FLI1: variants seen among roughly 807,000 people sequenced by gnomAD.
FLI1 encodes the protein Fli-1 proto-oncogene, ETS transcription factor.
FLI1 carries 13 observed loss-of-function variants against 53.1 expected under a neutral mutation model. The observed-to-expected ratio is 0.24, with a 90% CI of 0.16 to 0.39. FLI1 has a LOEUF of 0.39. Among genes scored for constraint, FLI1 ranks in the 10% least tolerant of loss-of-function variants. FLI1 has a pLI of 1.00. For missense variants in FLI1, 424 were observed against 600.5 expected, an observed-to-expected ratio of 0.71 and a Z score of 3.07; for synonymous variants, 244 against 236.7, an observed-to-expected ratio of 1.03 and a Z score of -0.28.
At chr11:128,691,110 A>G (rs1937722170), upstream of FLI1, among the ~76,000 whole-genome samples, 1 of 152,200 alleles carries the variant, frequency 6.6e-6, no homozygotes, top group East Asian at 1.9e-4. Flanking sequence ...GTAGGCCCTC[A>G]CCGCAGGCTC....
At chr11:128,765,525 C>T (rs1941303519) in intron 2 of FLI1, among the ~76,000 whole-genome samples, 1 of 152,228 alleles carries the variant, frequency 6.6e-6, no homozygotes, top group African/African-American at 2.4e-5. Flanking sequence ...GTCCCACCAT[C>T]CTGCCCCCTG....
At chr11:128,728,266 G>A (rs1224440043) in intron 1 of FLI1, among the ~76,000 whole-genome samples, 1 of 152,260 alleles carries the variant, frequency 6.6e-6, no homozygotes, top group Admixed American at 6.5e-5. Flanking sequence ...CCTTTGGGAG[G>A]CAGCAGGGAG....
At chr11:128,780,584 A>C (rs1941884129) in intron 4 of FLI1, among the ~76,000 whole-genome samples, 1 of 149,970 alleles carries the variant, frequency 6.7e-6, no homozygotes, top group Admixed American at 6.5e-5. Flanking sequence ...AACAAGAGCG[A>C]AACTCCGTTT....
intron 2 of FLI1, among the ~76,000 whole-genome samples, chr11:128,761,347 CTT>C (rs1323072227): frequency 6.6e-6 from 1 of 152,244 alleles, no homozygotes; most frequent in East Asian, 1.9e-4. Flanking sequence ...CCTCCTCACT[CTT>C]TACCCTGCTT....
At position 128,810,572 on chromosome 11, in the gene FLI1, G is replaced by A. The variant is rs1481244317; in HGVS notation, c.943G>A (p.Asp315Asn). The A allele has an allele frequency of 1.9e-6, 3 of 1,613,468 alleles. No individual in the cohort carries two copies. The highest frequency in any genetic ancestry group is 1.7e-6 in the Non-Finnish European group (2 of 1,179,698). The change falls in exon 9 of 9, where the codon GAT becomes AAT. Residue 315 changes from aspartate (D) to asparagine (N), a missense_variant. Asp to Asn is a conservative substitution (Grantham distance 23, BLOSUM62 1). Coordinates refer to ENST00000527786, the MANE Select transcript of FLI1 (RefSeq NM_002017.5). This position sits in a 1 kb window ranked among gnomAD's most constrained non-coding sequence, Gnocchi z 6.6. ...TNGEFKMTDP[D>N]EVARRWGERK... ...CGGGGAGTTCAAAATGACGGACCCC[G>A]ATGAGGTGGCCAGGCGCTGGGGCGA...
intron 5 of FLI1, among the ~76,000 whole-genome samples, chr11:128,797,190 C>T (rs1051352772): frequency 6.6e-6 from 1 of 152,222 alleles, no homozygotes; most frequent in Non-Finnish European, 1.5e-5. Context: ...ACAGACTTGA[C>T]AATCACCTGA....
rs186617406 is a variant in FLI1 at position 128,808,442 on chromosome 11, G to T, written c.782-715G>T. 1.1e-3 allele frequency among the ~76,000 whole-genome samples: 169 copies of T among 152,224 alleles called. 1 individual carries two copies. The highest frequency in any genetic ancestry group is 3.8e-3 in the African/African-American group (156 of 41,532). On this transcript the variant is annotated intron_variant, in intron 7 of 8. Transcript: ENST00000527786. ...CCAGTATTGCAAAGACTTTTTCATG[G>T]CTAAATAAACACATACGTTTTGAGG... is the stretch of plus-strand genomic sequence containing the variant.
chr11:128,774,569 T>C (rs1941677065), intron 4 of FLI1, among the ~76,000 whole-genome samples: 1 of 152,224 alleles, frequency 6.6e-6, no homozygotes, highest in Admixed American at 6.5e-5. Flanking sequence ...CAAAGCAACC[T>C]GATTCCAGCA....
At position 128,783,811 on chromosome 11, in the gene FLI1, C is replaced by T. The variant is rs968088419; in HGVS notation, c.655+1788C>T. ...CAGGAGCACTCACATTGCGAGGGCT[C>T]AAGAGCCACTGTCCTTTGATATGTT... On this transcript the variant is annotated intron_variant, in intron 5 of 8. Transcript: ENST00000527786. Among the ~76,000 whole-genome samples, 7 of 152,028 alleles carry T rather than the reference C, an allele frequency of 4.6e-5. No individual in the cohort carries two copies. In the East Asian group the frequency reaches 1.3e-3, roughly 29 times the overall value.
At chr11:128,686,422 G>A (rs1468502822), upstream of FLI1, 2 of 456,130 alleles carry the variant, frequency 4.4e-6, no homozygotes, top group Admixed American at 4.7e-5. Flanking sequence ...AGTTCTCACC[G>A]TCCCCTGGCC....
At chr11:128,741,125 G>A (rs1157206846) in intron 1 of FLI1, among the ~76,000 whole-genome samples, 1 of 152,232 alleles carries the variant, frequency 6.6e-6, no homozygotes, top group Non-Finnish European at 1.5e-5. Context: ...CAGGCATGGT[G>A]GCTCATGCTT....
chr11:128,753,073 C>T (rs1940717160), intron 1 of FLI1, among the ~76,000 whole-genome samples: 1 of 152,194 alleles, frequency 6.6e-6, no homozygotes, highest in African/African-American at 2.4e-5. Context: ...TACAAATGTG[C>T]TGGGGCACTT....
At chr11:128,793,360 C>T (rs374761386) in intron 5 of FLI1, among the ~76,000 whole-genome samples, 3 of 152,086 alleles carry the variant, frequency 2.0e-5, no homozygotes, top group African/African-American at 7.2e-5. Context: ...CACCCTGCCC[C>T]GTGTCCCTCC....
chr11:128,767,131 G>A (rs1253838210), intron 2 of FLI1, among the ~76,000 whole-genome samples: 2 of 152,134 alleles, frequency 1.3e-5, no homozygotes, highest in Non-Finnish European at 2.9e-5. Flanking sequence ...GCCATGGGTG[G>A]GACTTCACCC....
At chr11:128,700,175 C>T (rs943528595) in intron 1 of FLI1, among the ~76,000 whole-genome samples, 1 of 152,146 alleles carries the variant, frequency 6.6e-6, no homozygotes, top group African/African-American at 2.4e-5. Context: ...TCATACAGTC[C>T]CTCCACAGAT....
chr11:128,810,923 C>G lies in FLI1; in HGVS notation c.1294C>G (p.Pro432Ala). ...GACCTCCCCCACGGGGGGAATCTAC[C>G]CCAACCCCAACGTCCCCCGCCATCC... ...YWTSPTGGIY[P>A]NPNVPRHPNT... The change falls in exon 9 of 9, where the codon CCC (proline) becomes GCC (alanine). Residue 432 changes from proline (P) to alanine (A), a missense_variant. Physicochemically the swap from Pro to Ala is conservative, Grantham distance 27. Around this residue, in one of 5 missense-constraint regions of FLI1, gnomAD observed 87 missense variants for 100.0 expected, o/e 0.87. Transcript: ENST00000527786. This position sits in a 1 kb window ranked among gnomAD's most constrained non-coding sequence, Gnocchi z 6.6. 1 of 1,614,008 alleles carries G rather than the reference C, an allele frequency of 6.2e-7. No homozygotes were observed. The highest frequency in any genetic ancestry group is 1.7e-5 in the Admixed American group (1 of 60,034).
At chr11:128,804,112 T>A (rs576254776) in intron 5 of FLI1, 1 of 152,316 alleles carries the variant, frequency 6.6e-6, no homozygotes, top group South Asian at 2.1e-4. Context: ...GCACGTGGAT[T>A]TTTCCACAAA....
At position 128,811,449 on chromosome 11, in the gene FLI1, G is replaced by A. The variant is rs571947575; in HGVS notation, c.*461G>A. On this transcript the variant is annotated 3_prime_UTR_variant, in exon 9 of 9. Transcript: ENST00000527786. The stretch of plus-strand genomic sequence containing the variant: ...GTGGGAAGCTTATAATCTAATTTTA[G>A]GAGGACCAAATTCAGTGGATGGCAA... 3.0e-5 allele frequency: 7 copies of A among 235,352 alleles called. No homozygotes were observed. The highest frequency in any genetic ancestry group is 5.5e-5 in the Admixed American group (1 of 18,218). 14.6% of individuals were successfully genotyped at this position (235,352 alleles called of 1,614,324 possible). A position where few individuals can be genotyped will look rare whatever the true frequency, so the allele number is the denominator to read the frequency against.
At chr11:128,764,131 G>T (rs1941238474) in intron 2 of FLI1, among the ~76,000 whole-genome samples, 1 of 152,202 alleles carries the variant, frequency 6.6e-6, no homozygotes, top group Non-Finnish European at 1.5e-5. Flanking sequence ...AAGTTCAGTT[G>T]CTCTGAGTTG....
Sources: gnomAD v4.1 joint callset for allele counts (sites outside exome capture counted in the v4.1 genomes callset) on GRCh38, gnomAD v4.1.1 for gene constraint, gnomAD v4.1.1 regional missense constraint, Gnocchi (gnomAD v3.1) non-coding constraint, MANE v1.5 for transcripts, NCBI Gene and HGNC (gene_info 2026-07-23, HGNC 2026-07-21) for gene names.